Variants in IQCM observed in about 807,000 individuals in gnomAD.
The protein encoded by IQCM is IQ domain-containing protein M.
IQCM carries 45 observed loss-of-function variants against 57.6 expected under a neutral mutation model. The observed-to-expected ratio is 0.78, with a 90% CI of 0.62 to 1.00. The LOEUF is 1.00. Among genes scored for constraint, IQCM ranks in the 50% least tolerant of loss-of-function variants. The pLI is 0.00. For missense variants in IQCM, 468 were observed against 511.6 expected, an observed-to-expected ratio of 0.91 and a Z score of 0.82; for synonymous variants, 148 against 158.9, an observed-to-expected ratio of 0.93 and a Z score of 0.51.
chr4:149,367,271 T>C (rs1729909545), intron 13 of IQCM, among the ~76,000 whole-genome samples: 1 of 152,062 alleles, frequency 6.6e-6, no homozygotes, highest in African/African-American at 2.4e-5. Flanking sequence ...ATTTATTATA[T>C]GTATGCCCTG....
chr4:149,750,730 A>G (rs1296016467), intron 2 of IQCM, among the ~76,000 whole-genome samples: 1 of 152,232 alleles, frequency 6.6e-6, no homozygotes, highest in Non-Finnish European at 1.5e-5. Flanking sequence ...AATAACAATA[A>G]AGAGAGAAAA....
intron 7 of IQCM, among the ~76,000 whole-genome samples, chr4:149,658,882 G>C (rs1759886190): frequency 6.6e-6 from 1 of 151,910 alleles, no homozygotes; most frequent in African/African-American, 2.4e-5. Flanking sequence ...TGGTGGAGTT[G>C]TTAGAGTTTT....
intron 12 of IQCM, among the ~76,000 whole-genome samples, chr4:149,501,370 A>C (rs1175342925): frequency 6.6e-6 from 1 of 152,218 alleles, no homozygotes; most frequent in Non-Finnish European, 1.5e-5. Flanking sequence ...ACAGATATTC[A>C]GTATTTGATA....
intron 12 of IQCM, among the ~76,000 whole-genome samples, chr4:149,481,696 G>GTTTTTTTTT (rs1197852884): frequency 2.5e-3 from 83 of 33,580 alleles, no homozygotes; most frequent in Admixed American, 4.6e-3. Flanking sequence ...GATTCTTCCA[G>GTTTTTTTTT]TTTTGTTTTT....
At chr4:149,444,724 G>A (rs1391142448) in intron 12 of IQCM, among the ~76,000 whole-genome samples, 1 of 151,574 alleles carries the variant, frequency 6.6e-6, no homozygotes, top group Non-Finnish European at 1.5e-5. Context: ...ATGAATCGAA[G>A]GAAATAATGA....
At position 149,368,817 on chromosome 4, in the gene IQCM, T is replaced by A. The variant is rs559250340; in HGVS notation, c.1391-16751A>T. Among the ~76,000 whole-genome samples the A allele has an allele frequency of 2.1e-5, 2 of 96,680 alleles. 1 individual carries two copies. Among genetic ancestry groups the A allele is most frequent in the Non-Finnish European group, 4.0e-5 (2 of 49,458 alleles). 63.4% of individuals were successfully genotyped at this position (96,680 alleles called of 152,430 possible). On this transcript the variant is annotated intron_variant, in intron 13 of 13. Transcript: ENST00000636793. The stretch of plus-strand genomic sequence containing the variant: ...ATACATATATATACATGTATATATA[T>A]ACATATATATACATGTATATATATA...
In IQCM at chr4:149,535,187, G is replaced by T. The variant is rs551626062; in HGVS notation, c.1228+13268C>A. Among the ~76,000 whole-genome samples, 3 of 152,080 alleles carry T rather than the reference G, an allele frequency of 2.0e-5. No homozygotes were observed. The East Asian group carries it at 5.8e-4, about 29-fold the overall frequency. ...CTTTGGAAGTTTTCACTTTACTGTA[G>T]CAATTTATAGGACTCTGCATCAAGA... On this transcript the variant is annotated intron_variant, in intron 12 of 13. Transcript: ENST00000636793.
intron 5 of IQCM, among the ~76,000 whole-genome samples, chr4:149,688,990 A>T (rs1762750235): frequency 6.6e-6 from 1 of 152,130 alleles, no homozygotes; most frequent in Non-Finnish European, 1.5e-5. Context: ...ACCTGAAACT[A>T]TAAAAATTCT....
At chr4:149,551,314 C>T (rs1428506845) in intron 11 of IQCM, among the ~76,000 whole-genome samples, 1 of 152,194 alleles carries the variant, frequency 6.6e-6, no homozygotes, top group Non-Finnish European at 1.5e-5. Flanking sequence ...GAAAAAGCTT[C>T]TCAGCTAGAA....
At chr4:149,635,252 C>T (rs1179680429) in intron 7 of IQCM, among the ~76,000 whole-genome samples, 1 of 152,194 alleles carries the variant, frequency 6.6e-6, no homozygotes, top group South Asian at 2.1e-4. Flanking sequence ...TCTCCAGATC[C>T]TCACAGGGTG....
rs1317893919 is a variant in IQCM at position 149,815,306 on chromosome 4, T to C, written c.-49+5A>G. On this transcript the variant is annotated splice_donor_5th_base_variant and intron_variant, in intron 2 of 13. Transcript: ENST00000636793. The stretch of plus-strand genomic sequence containing the variant: ...CAGACAACGTGGTATATTAGTAACT[T>C]CTACCTTAAAGTTTTTCATTCCAAG... The C allele has an allele frequency of 6.6e-6, 1 of 151,948 alleles. No individual in the cohort carries two copies. Among genetic ancestry groups the C allele is most frequent in the Non-Finnish European group, 1.5e-5 (1 of 67,892 alleles). 9.4% of individuals were successfully genotyped at this position (151,948 alleles called of 1,614,324 possible).
Position 149,559,350 on chromosome 4 carries a change from T to C in IQCM, c.948+4342A>G, listed in dbSNP as rs543553524. On this transcript the variant is annotated intron_variant, in intron 10 of 13. Coordinates refer to ENST00000636793, the MANE Select transcript of IQCM (RefSeq NM_001363507.2). Reference sequence around the variant, plus strand: ...AAGTTTTCTAAGAACGTTATTAATCTGATTCCTACCTTCAGCTTCCTTTAC... The same window carrying C: ...AAGTTTTCTAAGAACGTTATTAATCCGATTCCTACCTTCAGCTTCCTTTAC... Among the ~76,000 whole-genome samples, 5 of 152,298 alleles carry C rather than the reference T, an allele frequency of 3.3e-5. No individual in the cohort carries two copies. In the East Asian group the frequency reaches 9.7e-4, roughly 29 times the overall value.
intron 7 of IQCM, among the ~76,000 whole-genome samples, chr4:149,663,206 A>AT (rs200262106): frequency 2.0e-5 from 3 of 150,750 alleles, no homozygotes; most frequent in South Asian, 2.1e-4. Flanking sequence ...CCTACAATTT[A>AT]TTTTTTTTCC....
Position 149,425,306 on chromosome 4 carries a change from G to GACTA in IQCM, c.1390+8086_1390+8089dup, listed in dbSNP as rs768909563. On this transcript the variant is annotated intron_variant, in intron 13 of 13. Transcript: ENST00000636793. ...ATACATAAAGAAATTGATTATGAAGGACTAGCTCATGCCATTGCAAAGACC... is the reference window on the plus strand; with the variant it reads ...ATACATAAAGAAATTGATTATGAAGGACTAACTAGCTCATGCCATTGCAAAGACC... 1.4e-3 allele frequency among the ~76,000 whole-genome samples: 209 copies of GACTA among 152,050 alleles called. 1 individual carries two copies. The highest frequency in any genetic ancestry group is 2.1e-3 in the Non-Finnish European group (142 of 67,940).
chr4:149,529,891 T>A (rs1345427159), intron 12 of IQCM, among the ~76,000 whole-genome samples: 1 of 152,198 alleles, frequency 6.6e-6, no homozygotes. Context: ...AAATCCAAAG[T>A]ATTTAATGTT....
chr4:149,469,871 C>T (rs1739312867), intron 12 of IQCM, among the ~76,000 whole-genome samples: 1 of 152,100 alleles, frequency 6.6e-6, no homozygotes, highest in Non-Finnish European at 1.5e-5. Context: ...TCCAGCCAAA[C>T]TAAGCTTCAT....
At chr4:149,491,479 T>C (rs1742089895) in intron 12 of IQCM, among the ~76,000 whole-genome samples, 1 of 152,116 alleles carries the variant, frequency 6.6e-6, no homozygotes, top group Non-Finnish European at 1.5e-5. Flanking sequence ...GTACAACCTT[T>C]TCAGATTTCA....
At chr4:149,752,837 G>A (rs1267955316) in intron 2 of IQCM, among the ~76,000 whole-genome samples, 6 of 152,138 alleles carry the variant, frequency 3.9e-5, no homozygotes, top group Non-Finnish European at 7.4e-5. Context: ...AGGTAGAAAT[G>A]CAACTTCCCA....
At chr4:149,582,853 A>C (rs1443201412) in intron 9 of IQCM, among the ~76,000 whole-genome samples, 1 of 151,664 alleles carries the variant, frequency 6.6e-6, no homozygotes. Context: ...GAGACCAAAG[A>C]AAAGTTTTTA....
Sources: allele counts gnomAD v4.1 joint callset (sites outside exome capture counted in the v4.1 genomes callset), GRCh38; gene constraint gnomAD v4.1.1; transcripts MANE v1.5; gene names NCBI Gene and HGNC (gene_info 2026-07-23, HGNC 2026-07-21).